RAB30: variants seen among roughly 807,000 people sequenced by gnomAD.
RAB30 encodes the protein ras-related protein Rab-30.
In RAB30, 9 loss-of-function variants were observed where a neutral mutation model predicts 25.1. That is an observed-to-expected ratio of 0.36 (90% CI 0.22 to 0.63). The LOEUF (loss-of-function observed/expected upper bound fraction) is 0.63, where lower values mean the gene tolerates loss of function less well. Ranked by LOEUF, RAB30 falls within the 20% of genes least tolerant of loss-of-function variation. The probability of loss-of-function intolerance (pLI) is 0.69; values close to 1 mark genes in which losing one functional copy is unlikely to be tolerated. For synonymous variants in RAB30, 77 were observed against 86.4 expected (o/e 0.89, Z 0.60); for missense variants, 140 against 243.5 (o/e 0.58, Z 2.83).
At chr11:83,011,240 C>T (rs1458851686) in intron 1 of RAB30, among the ~76,000 whole-genome samples, 3 of 152,186 alleles carry the variant, frequency 2.0e-5, no homozygotes, top group African/African-American at 7.2e-5. Flanking sequence ...TGATGTGTTT[C>T]TCCTAGTTTC....
chr11:83,032,578 C>T (rs1300268461), intron 1 of RAB30, among the ~76,000 whole-genome samples: 1 of 152,220 alleles, frequency 6.6e-6, no homozygotes, highest in African/African-American at 2.4e-5. Context: ...AATCCTCCAA[C>T]CTCAGCCACC....
chr11:82,994,830 G>T (rs1856926790), intron 2 of RAB30, among the ~76,000 whole-genome samples: 1 of 152,076 alleles, frequency 6.6e-6, no homozygotes, highest in Admixed American at 6.6e-5. Context: ...GAGACAGTAG[G>T]GTAGAAACAG....
chr11:83,040,921 C>T (rs143020783), intron 1 of RAB30: 3,188 of 153,770 alleles, frequency 0.021, 45 homozygotes, highest in Non-Finnish European at 0.03. Flanking sequence ...TGGCTGGGCA[C>T]GGTGGCTCAC....
intron 1 of RAB30, among the ~76,000 whole-genome samples, chr11:83,027,755 T>C (rs932474226): frequency 2.6e-5 from 4 of 152,182 alleles, no homozygotes; most frequent in South Asian, 4.1e-4. Context: ...TTTTAGAACA[T>C]TTTCCATTCC....
At chr11:83,007,729 A>G (rs1324507109) in intron 1 of RAB30, among the ~76,000 whole-genome samples, 1 of 152,214 alleles carries the variant, frequency 6.6e-6, no homozygotes, top group East Asian at 1.9e-4. Context: ...GTTTCGTACC[A>G]CAGCACCTGG....
intron 1 of RAB30, among the ~76,000 whole-genome samples, chr11:83,066,977 T>C (rs898104028): frequency 6.6e-6 from 1 of 152,204 alleles, no homozygotes; most frequent in African/African-American, 2.4e-5. Context: ...CTTAGGTTAA[T>C]TCACTCACTC....
chr11:82,988,037 T>C (rs994077709), intron 3 of RAB30, among the ~76,000 whole-genome samples: 1 of 151,936 alleles, frequency 6.6e-6, no homozygotes, highest in African/African-American at 2.4e-5. Flanking sequence ...AGTTTCCTTT[T>C]CATTCTTAAA....
chr11:83,014,681 A>AGAAAGAAAGAAAGAAG (rs1491547494), intron 1 of RAB30, among the ~76,000 whole-genome samples: 2 of 146,334 alleles, frequency 1.4e-5, no homozygotes, highest in Admixed American at 1.3e-4. Context: ...AAAGAAAGAA[A>AGAAAGAAAGAAAGAAG]GAAAGAAAGA....
intron 1 of RAB30, among the ~76,000 whole-genome samples, chr11:83,014,733 GAAAT>G (rs1343269112): frequency 4.9e-5 from 7 of 142,554 alleles, no homozygotes; most frequent in Admixed American, 1.4e-4. Context: ...AGGAGAAAAA[GAAAT>G]AAGAAAGAAA....
At chr11:83,025,068 G>A (rs1857678277) in intron 1 of RAB30, among the ~76,000 whole-genome samples, 1 of 152,228 alleles carries the variant, frequency 6.6e-6, no homozygotes, top group East Asian at 1.9e-4. Flanking sequence ...GCAACTTGGA[G>A]AACACACTTT....
chr11:83,003,449 T>C (rs11233408), intron 1 of RAB30, among the ~76,000 whole-genome samples: 4,685 of 152,234 alleles, frequency 0.031, 149 homozygotes, highest in East Asian at 0.11. Context: ...TTAGACGGAA[T>C]TTTGCTCCTG....
At chr11:83,033,992 G>A (rs1452410029) in intron 1 of RAB30, 1 of 152,236 alleles carries the variant, frequency 6.6e-6, no homozygotes, top group East Asian at 1.9e-4. Flanking sequence ...GTCCTCAAGA[G>A]CAAGTCCATC....
intron 1 of RAB30, among the ~76,000 whole-genome samples, chr11:83,054,686 C>A (rs574153388): frequency 2.7e-5 from 4 of 150,270 alleles, no homozygotes; most frequent in Non-Finnish European, 6.0e-5. Context: ...TAGAATGAGA[C>A]CCTGTGTCTA....
intron 4 of RAB30, among the ~76,000 whole-genome samples, chr11:82,983,300 C>T (rs942473348): frequency 6.6e-6 from 1 of 152,168 alleles, no homozygotes. Context: ...ACTTTAGGAA[C>T]TTAAAAATGC....
rs79598802 is a variant in RAB30 at position 83,051,970 on chromosome 11, C to T, written c.-9+19721G>A. Among the ~76,000 whole-genome samples the T allele has an allele frequency of 6.2e-3, 938 of 152,196 alleles. 12 individuals are homozygous for T. The highest frequency in any genetic ancestry group is 6.9e-3 in the Non-Finnish European group (468 of 68,004). On this transcript the variant is annotated intron_variant, in intron 1 of 4. Transcript: ENST00000527633. The stretch of plus-strand genomic sequence containing the variant: ...GCTAGAGTTTTCAAAGATAAATATT[C>T]AACAATCACCAAAGCTTCTGGTAGC...
intron 1 of RAB30, among the ~76,000 whole-genome samples, chr11:83,000,877 TAA>T (rs35685304): frequency 8.1e-5 from 12 of 147,890 alleles, no homozygotes; most frequent in East Asian, 2.0e-4. Flanking sequence ...CCGTCTCTAC[TAA>T]AAAAAAAAAT....
At chr11:82,983,978 A>G (rs926904919) in intron 4 of RAB30, among the ~76,000 whole-genome samples, 3 of 152,196 alleles carry the variant, frequency 2.0e-5, no homozygotes, top group Non-Finnish European at 2.9e-5. Flanking sequence ...GGAAAAAGGA[A>G]ATATAAATAT....
At chr11:83,020,682 G>T (rs1008751543) in intron 1 of RAB30, among the ~76,000 whole-genome samples, 23 of 152,184 alleles carry the variant, frequency 1.5e-4, no homozygotes, top group African/African-American at 4.8e-4. Context: ...GGCCACCCAT[G>T]GACCAATTGC....
Position 82,975,248 on chromosome 11 carries a change from G to C in RAB30, c.*6917C>G, listed in dbSNP as rs2121415962. Reference sequence around the variant, plus strand: ...CATTCTGCAATTGTATAGAATAAGAGAATATTTGTTGCTAATGATTACATT... The same window carrying C: ...CATTCTGCAATTGTATAGAATAAGACAATATTTGTTGCTAATGATTACATT... On this transcript the variant is annotated 3_prime_UTR_variant, in exon 5 of 5. Coordinates refer to ENST00000527633, the MANE Select transcript of RAB30 (RefSeq NM_001286060.2). 6.6e-6 allele frequency: 1 copy of C among 152,236 alleles called. No homozygotes were observed. Among genetic ancestry groups the C allele is most frequent in the African/African-American group, 2.4e-5 (1 of 41,564 alleles). 9.4% of individuals were successfully genotyped at this position (152,236 alleles called of 1,614,324 possible). A position where few individuals can be genotyped will look rare whatever the true frequency, so the allele number is the denominator to read the frequency against.
Sources: allele counts gnomAD v4.1 joint callset (sites outside exome capture counted in the v4.1 genomes callset), GRCh38; gene constraint gnomAD v4.1.1; transcripts MANE v1.5; gene names NCBI Gene and HGNC (gene_info 2026-07-23, HGNC 2026-07-21).